The following FHDC1 variants were observed in gnomAD, a reference collection of about 807,000 sequenced individuals.
The protein encoded by FHDC1 is FH2 domain containing 1, also known as FH2 domain-containing protein 1.
Under a neutral mutation model 52.6 loss-of-function variants are expected in FHDC1, and 25 were observed. The observed-to-expected ratio is 0.48, with a 90% CI of 0.35 to 0.66. The LOEUF is 0.66. FHDC1 is among the 30% of genes least tolerant of loss of function. The pLI is 0.01. For synonymous variants in FHDC1, 616 were observed against 581.5 expected (o/e 1.06, Z -0.85); for missense variants, 1,459 against 1,452.8 (o/e 1.00, Z -0.07).
intron 6 of FHDC1, among the ~76,000 whole-genome samples, chr4:152,961,391 A>T (rs1042354521): frequency 6.6e-6 from 1 of 152,082 alleles, no homozygotes; most frequent in Non-Finnish European, 1.5e-5. Flanking sequence ...GAGCTATTTA[A>T]ATTTGAGAGG....
the FHDC1 span, chr4:152,928,096 C>T: frequency 2.7e-5 from 34 of 1,237,322 alleles, no homozygotes; most frequent in Non-Finnish European, 3.6e-5. Flanking sequence ...GCCTGTGCAC[C>T]TACTCTGGGA....
chr4:152,961,862 C>T (rs1413761371), intron 6 of FHDC1, among the ~76,000 whole-genome samples: 1 of 152,130 alleles, frequency 6.6e-6, no homozygotes, highest in African/African-American at 2.4e-5. Context: ...ACTATTGCAG[C>T]GACTTTGGAA....
At chr4:152,957,694 G>A (rs1009012550) in intron 4 of FHDC1, among the ~76,000 whole-genome samples, 1 of 152,168 alleles carries the variant, frequency 6.6e-6, no homozygotes, top group Non-Finnish European at 1.5e-5. Flanking sequence ...AGATATAAAC[G>A]GAAACAGCCC....
chr4:152,966,756 C>T (rs1408184492), intron 9 of FHDC1, among the ~76,000 whole-genome samples: 1 of 152,084 alleles, frequency 6.6e-6, no homozygotes, highest in Non-Finnish European at 1.5e-5. Context: ...GCTACCATGC[C>T]AGGCCCACAT....
intron 4 of FHDC1, among the ~76,000 whole-genome samples, chr4:152,957,619 A>G (rs1036496461): frequency 2.0e-5 from 3 of 152,226 alleles, no homozygotes; most frequent in Admixed American, 6.5e-5. Flanking sequence ...CACCTCTGCT[A>G]TCACAAAGTA....
upstream of FHDC1, chr4:152,936,309 T>G (rs6831508): frequency 0.68 from 102,793 of 152,032 alleles, 35,087 homozygotes; most frequent in African/African-American, 0.75. Context: ...GCGCTCAGGG[T>G]TGGCTGGGCC....
chr4:152,929,221 G>A, the FHDC1 span, among the ~76,000 whole-genome samples: 107 of 152,272 alleles, frequency 7.0e-4, no homozygotes, highest in African/African-American at 2.5e-3. This position sits in a 1 kb window ranked among gnomAD's most constrained non-coding sequence, Gnocchi z 4.1. Context: ...TGGTTGCATT[G>A]TTTTGAGTCT....
At chr4:152,963,612 A>AAT (rs1381064072) in intron 8 of FHDC1, among the ~76,000 whole-genome samples, 9 of 151,752 alleles carry the variant, frequency 5.9e-5, no homozygotes, top group Admixed American at 5.9e-4. Context: ...AGGGACAGAG[A>AAT]ATAGAGGATG....
At chr4:152,919,834 C>G in the FHDC1 span, among the ~76,000 whole-genome samples, 2 of 151,824 alleles carry the variant, frequency 1.3e-5, no homozygotes, top group South Asian at 4.2e-4. Context: ...TGGATTCTAA[C>G]TACAGGCACA....
chr4:152,919,209 C>G, the FHDC1 span, among the ~76,000 whole-genome samples: 3 of 152,212 alleles, frequency 2.0e-5, no homozygotes, highest in Non-Finnish European at 4.4e-5. Context: ...TAACAGCTGT[C>G]GAGCCTTGAA....
chr4:152,971,702 C>G (rs1740642587), intron 10 of FHDC1, among the ~76,000 whole-genome samples: 2 of 152,178 alleles, frequency 1.3e-5, no homozygotes, highest in Admixed American at 1.3e-4. Context: ...CCATTGGGAC[C>G]CATCAGAATC....
the FHDC1 span, among the ~76,000 whole-genome samples, chr4:152,913,922 C>G: frequency 1.3e-5 from 2 of 152,188 alleles, no homozygotes; most frequent in Admixed American, 1.3e-4. Context: ...CTCAGGTGAT[C>G]TGCCTGCCTC....
Position 152,975,208 on chromosome 4 carries a change from C to A in FHDC1, c.1917C>A (p.Arg639=), listed in dbSNP as rs1251517586. ...NHASAFPRAR[R]QGVSVLRKRY... Reference sequence around the variant, plus strand: ...CCTCTGCCTTCCCCAGAGCTCGGCGCCAGGGCGTCAGTGTCCTCCGAAAGA... The same window carrying A: ...CCTCTGCCTTCCCCAGAGCTCGGCGACAGGGCGTCAGTGTCCTCCGAAAGA... Residue 639 remains arginine, a synonymous_variant, in exon 12 of 12, where the codon CGC becomes CGA. Transcript: ENST00000511601. The A allele has an allele frequency of 6.2e-7, 1 of 1,613,184 alleles. No homozygotes were observed. Among genetic ancestry groups the A allele is most frequent in the East Asian group, 2.2e-5 (1 of 44,888 alleles).
Position 152,975,743 on chromosome 4 carries a change from A to G in FHDC1, c.2452A>G (p.Ser818Gly), listed in dbSNP as rs1201316791. Reference protein sequence around the residue: ...MSSGVGEMGDSQVSSNPTSSP... With the variant: ...MSSGVGEMGDGQVSSNPTSSP... ...CTCTGGGGTTGGAGAAATGGGGGAC[A>G]GCCAAGTCTCCTCCAACCCTACATC... The change falls in exon 12 of 12, where the codon AGC becomes GGC. Residue 818 changes from serine (S) to glycine (G), a missense_variant. Transcript: ENST00000511601. The G allele has an allele frequency of 6.3e-7, 1 of 1,586,936 alleles. No homozygotes were observed. The highest frequency in any genetic ancestry group is 8.6e-7 in the Non-Finnish European group (1 of 1,164,074).
chr4:152,943,787 C>G (rs912405238), intron 2 of FHDC1, among the ~76,000 whole-genome samples: 1 of 152,184 alleles, frequency 6.6e-6, no homozygotes, highest in Admixed American at 6.5e-5. Context: ...ATTATGACCT[C>G]ATGCAGAGAA....
chr4:152,956,079 A>G (rs1740075230), intron 4 of FHDC1, among the ~76,000 whole-genome samples: 2 of 152,246 alleles, frequency 1.3e-5, no homozygotes, highest in African/African-American at 4.8e-5. Context: ...ATCATAATTT[A>G]CCCTGGATTG....
At chr4:152,930,328 T>G in the FHDC1 span, among the ~76,000 whole-genome samples, 1 of 152,248 alleles carries the variant, frequency 6.6e-6, no homozygotes, top group Non-Finnish European at 1.5e-5. Flanking sequence ...TTTTCTTCTT[T>G]TTTACTATCT....
At chr4:152,931,918 T>G (rs1302057242), upstream of FHDC1, among the ~76,000 whole-genome samples, 2 of 125,550 alleles carry the variant, frequency 1.6e-5, no homozygotes, top group Non-Finnish European at 3.1e-5. Flanking sequence ...GCCTGGGTGA[T>G]GGAGCGAGAA....
intron 1 of FHDC1, among the ~76,000 whole-genome samples, chr4:152,939,077 TG>T (rs377336319): frequency 8.3e-4 from 126 of 152,264 alleles, no homozygotes; most frequent in African/African-American, 2.8e-3. Flanking sequence ...GTCTTTTTTT[TG>T]GTTATTGTTG....
Sources: allele counts gnomAD v4.1 joint callset (sites outside exome capture counted in the v4.1 genomes callset), GRCh38; gene constraint gnomAD v4.1.1; non-coding constraint Gnocchi (gnomAD v3.1); transcripts MANE v1.5; gene names NCBI Gene and HGNC (gene_info 2026-07-23, HGNC 2026-07-21).